Variants in DEPTOR observed in about 807,000 individuals in gnomAD.
The protein encoded by DEPTOR is DEP domain-containing mTOR-interacting protein.
A neutral mutation model predicts 41.6 loss-of-function variants in DEPTOR; 41 were observed. That is an observed-to-expected ratio of 0.98 (90% CI 0.77 to 1.28). DEPTOR has a LOEUF of 1.28. Ranked by LOEUF, DEPTOR falls within the 50% of genes most tolerant of loss-of-function variation. The pLI is 0.00. For missense variants in DEPTOR, 514 were observed against 527.9 expected, an observed-to-expected ratio of 0.97 and a Z score of 0.26; for synonymous variants, 195 against 192.3, an observed-to-expected ratio of 1.01 and a Z score of -0.12.
intron 3 of DEPTOR, among the ~76,000 whole-genome samples, chr8:119,954,250 C>A (rs1828390362): frequency 6.6e-6 from 1 of 151,352 alleles, no homozygotes; most frequent in Non-Finnish European, 1.5e-5. Flanking sequence ...CTCAAGTGAT[C>A]CTCCCACCTC....
intron 4 of DEPTOR, among the ~76,000 whole-genome samples, chr8:119,988,751 G>A (rs1828861111): frequency 6.6e-6 from 1 of 152,074 alleles, no homozygotes; most frequent in African/African-American, 2.4e-5. Flanking sequence ...CCAAAGTGCT[G>A]GGATTACAGG....
chr8:119,920,246 A>G (rs1273773607), intron 1 of DEPTOR, among the ~76,000 whole-genome samples: 1 of 152,220 alleles, frequency 6.6e-6, no homozygotes, highest in Non-Finnish European at 1.5e-5. Flanking sequence ...TGAATACATA[A>G]TATGCACGAA....
chr8:119,959,293 G>A (rs1337112711), intron 3 of DEPTOR, among the ~76,000 whole-genome samples: 1 of 149,460 alleles, frequency 6.7e-6, no homozygotes, highest in Non-Finnish European at 1.5e-5. Flanking sequence ...CTCCTCAGCA[G>A]ATGGGACTAC....
chr8:119,990,425 G>A (rs1004900868), intron 4 of DEPTOR, among the ~76,000 whole-genome samples: 2 of 152,174 alleles, frequency 1.3e-5, no homozygotes, highest in Non-Finnish European at 2.9e-5. Flanking sequence ...CCAAAGTGCG[G>A]GATTACAGGC....
chr8:120,047,561 G>T (rs918034615), intron 8 of DEPTOR, among the ~76,000 whole-genome samples: 3 of 151,582 alleles, frequency 2.0e-5, no homozygotes, highest in African/African-American at 4.9e-5. Flanking sequence ...GTAGAGACGG[G>T]GTTTCACCAT....
intron 3 of DEPTOR, among the ~76,000 whole-genome samples, chr8:119,955,392 T>C (rs1163642499): frequency 6.6e-6 from 1 of 152,244 alleles, no homozygotes. Flanking sequence ...ACTTACGTTT[T>C]CTTTCAAACA....
At chr8:119,892,155 C>G (rs1250171702) in intron 1 of DEPTOR, among the ~76,000 whole-genome samples, 1 of 152,140 alleles carries the variant, frequency 6.6e-6, no homozygotes, top group Non-Finnish European at 1.5e-5. Flanking sequence ...CGTGCCACCA[C>G]GCCCAGCTAA....
intron 3 of DEPTOR, among the ~76,000 whole-genome samples, chr8:119,934,193 C>T (rs1265387285): frequency 2.0e-5 from 3 of 152,162 alleles, no homozygotes; most frequent in Non-Finnish European, 4.4e-5. Flanking sequence ...GGTACCCTGG[C>T]TTTCTAACCC....
At chr8:119,876,354 G>A (rs1282521903) in intron 1 of DEPTOR, among the ~76,000 whole-genome samples, 1 of 152,164 alleles carries the variant, frequency 6.6e-6, no homozygotes, top group African/African-American at 2.4e-5. Context: ...TTACTAGTGT[G>A]GGACCTTGGA....
At chr8:119,887,818 C>A (rs72673603) in intron 1 of DEPTOR, among the ~76,000 whole-genome samples, 7,657 of 151,346 alleles carry the variant, frequency 0.051, 304 homozygotes, top group South Asian at 0.17. Context: ...TTTTCTCTTT[C>A]TTTCTTTGTT....
chr8:120,019,539 T>C (rs1812664278), intron 8 of DEPTOR, among the ~76,000 whole-genome samples: 2 of 152,270 alleles, frequency 1.3e-5, no homozygotes, highest in African/African-American at 4.8e-5. Context: ...TTGGCTCCAT[T>C]CCTCACGCCC....
Position 119,929,928 on chromosome 8 carries a change from C to T in DEPTOR, c.415C>T (p.Leu139=), listed in dbSNP as rs1828019206. The change falls in exon 3 of 9, where the codon CTA becomes TTA. Residue 139 remains leucine, a synonymous_variant. Transcript: ENST00000286234. Reference sequence around the variant, plus strand: ...GAAGGCCTTTATGAGAGGACAGAGGCTATATGAAAAGTATGTTCCGCATGA... The same window carrying T: ...GAAGGCCTTTATGAGAGGACAGAGGTTATATGAAAAGTATGTTCCGCATGA... ...EVKAFMRGQR[L]YEKLMSPENT... 2 of 1,611,852 alleles carry T rather than the reference C, an allele frequency of 1.2e-6. No homozygotes were observed. Among genetic ancestry groups the T allele is most frequent in the East Asian group, 2.2e-5 (1 of 44,780 alleles).
At chr8:120,015,374 T>C (rs1812593017) in intron 8 of DEPTOR, among the ~76,000 whole-genome samples, 1 of 152,198 alleles carries the variant, frequency 6.6e-6, no homozygotes, top group Non-Finnish European at 1.5e-5. Context: ...CTTCTCCTCA[T>C]ATCACCATGT....
chr8:119,921,748 G>GTTTTTTTTTTTTTT (rs1282897659), intron 1 of DEPTOR, among the ~76,000 whole-genome samples: 6 of 131,126 alleles, frequency 4.6e-5, no homozygotes, highest in Non-Finnish European at 9.7e-5. Context: ...CTATTCTGTA[G>GTTTTTTTTTTTTTT]TTTTTTTTTT....
chr8:119,955,785 G>C (rs920682683), intron 3 of DEPTOR, among the ~76,000 whole-genome samples: 1 of 152,100 alleles, frequency 6.6e-6, no homozygotes, highest in African/African-American at 2.4e-5. Context: ...TTTATATAAG[G>C]CATGAGGTAT....
At chr8:119,976,816 C>G (rs1203654762) in intron 4 of DEPTOR, among the ~76,000 whole-genome samples, 4 of 152,090 alleles carry the variant, frequency 2.6e-5, no homozygotes, top group African/African-American at 9.7e-5. Context: ...CTGACAGATT[C>G]ACCAAGTGGG....
At chr8:119,946,626 C>T (rs1037521819) in intron 3 of DEPTOR, among the ~76,000 whole-genome samples, 1 of 151,748 alleles carries the variant, frequency 6.6e-6, no homozygotes, top group Non-Finnish European at 1.5e-5. Flanking sequence ...CCCAGCTACT[C>T]GGGAGGTTGA....
At chr8:119,991,537 C>T (rs1165086656) in intron 4 of DEPTOR, among the ~76,000 whole-genome samples, 1 of 152,082 alleles carries the variant, frequency 6.6e-6, no homozygotes, top group African/African-American at 2.4e-5. Context: ...AGGCTGGTCT[C>T]GAACTCCTGG....
At chr8:119,959,158 C>CTTTTTTTTTTTTTTT (rs60202859) in intron 3 of DEPTOR, among the ~76,000 whole-genome samples, 3 of 114,868 alleles carry the variant, frequency 2.6e-5, no homozygotes, top group East Asian at 2.4e-4. Context: ...TTCTTTCTTT[C>CTTTTTTTTTTTTTTT]TTTTTTTTTT....
Sources: allele counts gnomAD v4.1 joint callset (sites outside exome capture counted in the v4.1 genomes callset), GRCh38; gene constraint gnomAD v4.1.1; transcripts MANE v1.5; gene names NCBI Gene and HGNC (gene_info 2026-07-23, HGNC 2026-07-21).